Variants in ZFP62 observed in about 807,000 individuals in gnomAD.
ZFP62 encodes zinc finger protein 62 homolog.
A neutral mutation model predicts 56.4 loss-of-function variants in ZFP62; 44 were observed. The observed-to-expected ratio is 0.78, with a 90% CI of 0.61 to 1.00. ZFP62 has a LOEUF of 1.00. Ranked by LOEUF, ZFP62 falls within the 50% of genes least tolerant of loss-of-function variation. The pLI, the probability that ZFP62 is intolerant of heterozygous loss-of-function variation, is 0.00. For synonymous variants in ZFP62, 421 were observed against 388.9 expected (o/e 1.08, Z -0.97); for missense variants, 1,030 against 1,085.7 (o/e 0.95, Z 0.72).
At chr5:180,831,020 AAG>A in the ZFP62 span, 1 of 152,582 alleles carries the variant, frequency 6.6e-6, no homozygotes, top group Non-Finnish European at 1.5e-5. Context: ...GGCTGGAGCG[AAG>A]AGTTCTTTTG....
chr5:180,850,625 G>A lies in ZFP62; in HGVS notation c.870C>T (p.Phe290=), dbSNP rs1773643501. The change falls in exon 2 of 2, where the codon TTC becomes TTT. Residue 290 remains phenylalanine, a synonymous_variant. Coordinates refer to ENST00000502412, the MANE Select transcript of ZFP62 (RefSeq NM_001172638.2). The stretch of plus-strand genomic sequence containing the variant: ...GGACCCTAAGGCCAGAGCTGTTACT[G>A]AAGGTTTTCCCACAGATGTCGCATT... ...PYECDICGKT[F]SNSSGLRVHK... The A allele has an allele frequency of 1.3e-6, 2 of 1,572,956 alleles. No individual in the cohort carries two copies. Among genetic ancestry groups the A allele is most frequent in the South Asian group, 1.2e-5 (1 of 86,442 alleles).
chr5:180,845,453 G>A (rs753857097), downstream of ZFP62, among the ~76,000 whole-genome samples: 1 of 149,764 alleles, frequency 6.7e-6, no homozygotes, highest in Non-Finnish European at 1.5e-5. Context: ...TCCTTGTGGA[G>A]ACCATGTCCT....
chr5:180,840,789 T>TGTGTGTG, the ZFP62 span, among the ~76,000 whole-genome samples: 4 of 146,468 alleles, frequency 2.7e-5, no homozygotes, highest in African/African-American at 1.0e-4. Context: ...CTAAAACAAT[T>TGTGTGTG]TGTGTGTGTG....
At chr5:180,840,743 G>C in the ZFP62 span, among the ~76,000 whole-genome samples, 2 of 151,896 alleles carry the variant, frequency 1.3e-5, no homozygotes, top group South Asian at 2.1e-4. Context: ...CTGGGCGACA[G>C]AGCGAGAATC....
Position 180,847,969 on chromosome 5 carries a change from T to C in ZFP62, c.*823A>G, listed in dbSNP as rs1773473820. 1.0e-6 allele frequency: 1 copy of C among 985,368 alleles called. No homozygotes were observed. The highest frequency in any genetic ancestry group is 4.7e-5 in the South Asian group (1 of 21,296). 61.0% of individuals were successfully genotyped at this position (985,368 alleles called of 1,614,324 possible). On this transcript the variant is annotated 3_prime_UTR_variant, in exon 2 of 2. Transcript: ENST00000502412. ...ACGGTGTGTTCCATTAGTTACTGAATGTGTCAAAATCCTCTCCACGGTAGA... is the reference window on the plus strand; with the variant it reads ...ACGGTGTGTTCCATTAGTTACTGAACGTGTCAAAATCCTCTCCACGGTAGA...
the ZFP62 span, among the ~76,000 whole-genome samples, chr5:180,838,637 C>G: frequency 6.6e-6 from 1 of 152,146 alleles, no homozygotes; most frequent in Non-Finnish European, 1.5e-5. Flanking sequence ...ATATCAGAAG[C>G]TTATTCTCAA....
intron 1 of ZFP62, among the ~76,000 whole-genome samples, chr5:180,854,756 T>C (rs544794962): frequency 9.3e-4 from 141 of 152,296 alleles, no homozygotes; most frequent in Admixed American, 2.0e-3. Context: ...CGAACAATGT[T>C]TTCTACTAAA....
chr5:180,831,725 C>G, the ZFP62 span: 2 of 152,866 alleles, frequency 1.3e-5, no homozygotes, highest in African/African-American at 4.8e-5. Flanking sequence ...CGCACCCTAC[C>G]CGGTCCGCAG....
At chr5:180,829,404 G>A in the ZFP62 span, among the ~76,000 whole-genome samples, 5 of 152,172 alleles carry the variant, frequency 3.3e-5, no homozygotes, top group African/African-American at 9.7e-5. Context: ...CTCCCCTTTT[G>A]AAATCCTTAA....
chr5:180,858,707 C>T (rs1774141457), intron 1 of ZFP62, among the ~76,000 whole-genome samples: 1 of 152,096 alleles, frequency 6.6e-6, no homozygotes, highest in South Asian at 2.1e-4. Flanking sequence ...CACTATAATC[C>T]AATCAAGACT....
chr5:180,828,016 C>T, the ZFP62 span, among the ~76,000 whole-genome samples: 5 of 152,146 alleles, frequency 3.3e-5, no homozygotes, highest in African/African-American at 1.2e-4. Context: ...GTCTTGTGAC[C>T]CTGACACATC....
Position 180,861,241 on chromosome 5 carries a change from A to T in ZFP62, c.-22T>A. On this transcript the variant is annotated 5_prime_UTR_variant, in exon 1 of 2. Transcript: ENST00000502412. The stretch of plus-strand genomic sequence containing the variant: ...TACTGGCTGTGGCGGCGCCGCGGGA[A>T]CCCGGCCGCCAGCGGGACAAAAGCG... 2.5e-6 allele frequency: 1 copy of T among 397,636 alleles called. No individual in the cohort carries two copies. The highest frequency in any genetic ancestry group is 1.3e-4 in the South Asian group (1 of 7,832). 24.6% of individuals were successfully genotyped at this position (397,636 alleles called of 1,614,324 possible).
At position 180,847,856 on chromosome 5, in the gene ZFP62, T is replaced by A. The variant is rs1773466837; in HGVS notation, c.*936A>T. 1.0e-6 allele frequency: 1 copy of A among 985,346 alleles called. No individual in the cohort carries two copies. Among genetic ancestry groups the A allele is most frequent in the Non-Finnish European group, 1.2e-6 (1 of 829,942 alleles). 61.0% of individuals were successfully genotyped at this position (985,346 alleles called of 1,614,324 possible). ...ATGACTGGTACTTTAGCTTTTTAGC[T>A]TCTGCAATAAAATGCGTTCCTTCTC... On this transcript the variant is annotated 3_prime_UTR_variant, in exon 2 of 2. Coordinates refer to ENST00000502412, the MANE Select transcript of ZFP62 (RefSeq NM_001172638.2).
rs1197940791 is a variant in ZFP62 at position 180,848,001 on chromosome 5, T to C, written c.*791A>G. 3.0e-6 allele frequency: 3 copies of C among 985,348 alleles called. No individual in the cohort carries two copies. The Admixed American group carries it at 1.8e-4, about 61-fold the overall frequency. The allele number at this position is 985,348 out of a possible 1,614,324, so 61.0% of individuals were successfully genotyped here. A position where few individuals can be genotyped will look rare whatever the true frequency, so the allele number is the denominator to read the frequency against. On this transcript the variant is annotated 3_prime_UTR_variant, in exon 2 of 2. Coordinates refer to ENST00000502412, the MANE Select transcript of ZFP62 (RefSeq NM_001172638.2). The stretch of plus-strand genomic sequence containing the variant: ...AAATCCTCTCCACGGTAGAACCTTT[T>C]ATTGTAGCATAATGTGTGAATACCA...
intron 1 of ZFP62, among the ~76,000 whole-genome samples, chr5:180,852,554 C>CAAAAAAA (rs36030316): frequency 3.7e-5 from 4 of 109,472 alleles, no homozygotes; most frequent in Non-Finnish European, 7.5e-5. Context: ...CTCCGTCTCA[C>CAAAAAAA]AAAAAAAAAA....
rs1281707477 is a variant in ZFP62 at position 180,848,109 on chromosome 5, T to TA, written c.*682dup. On this transcript the variant is annotated 3_prime_UTR_variant, in exon 2 of 2. Coordinates refer to ENST00000502412, the MANE Select transcript of ZFP62 (RefSeq NM_001172638.2). ...TTTAAAAAAGTTTCATCCATTCAACTAATGTATCACAATAGTACGTTCATC... is the reference window on the plus strand; with the variant it reads ...TTTAAAAAAGTTTCATCCATTCAACTAAATGTATCACAATAGTACGTTCATC... 1 of 985,442 alleles carries TA rather than the reference T, an allele frequency of 1.0e-6. No homozygotes were observed. The highest frequency in any genetic ancestry group is 1.1e-4 in the East Asian group (1 of 8,814). 61.0% of individuals were successfully genotyped at this position (985,442 alleles called of 1,614,324 possible).
downstream of ZFP62, among the ~76,000 whole-genome samples, chr5:180,846,733 T>G (rs571512630): frequency 1.6e-4 from 25 of 152,340 alleles, no homozygotes; most frequent in Non-Finnish European, 3.2e-4. Flanking sequence ...AGGGTGGTTG[T>G]GCTCACAGCC....
chr5:180,832,203 G>A, the ZFP62 span, among the ~76,000 whole-genome samples: 8 of 152,278 alleles, frequency 5.3e-5, no homozygotes, highest in African/African-American at 1.9e-4. Context: ...CCAGGCTGGA[G>A]TGCAGTGGCG....
the ZFP62 span, among the ~76,000 whole-genome samples, chr5:180,839,192 G>T: frequency 2.0e-5 from 3 of 152,148 alleles, no homozygotes; most frequent in African/African-American, 7.2e-5. Context: ...AACCAAAAGC[G>T]TATGTTTAGA....
Sources: gnomAD v4.1 joint callset for allele counts (sites outside exome capture counted in the v4.1 genomes callset) on GRCh38, gnomAD v4.1.1 for gene constraint, MANE v1.5 for transcripts, NCBI Gene and HGNC (gene_info 2026-07-23, HGNC 2026-07-21) for gene names.